The following SH3GL2 variants were observed in gnomAD, a reference collection of about 807,000 sequenced individuals.
SH3GL2 encodes the protein endophilin-A1.
In SH3GL2, 24 loss-of-function variants were observed where a neutral mutation model predicts 46.0. The observed-to-expected ratio is 0.52, with a 90% CI of 0.38 to 0.73. The LOEUF (loss-of-function observed/expected upper bound fraction) is 0.73. Among genes scored for constraint, SH3GL2 ranks in the 30% least tolerant of loss-of-function variants. The probability of loss-of-function intolerance (pLI) is 0.00; values close to 1 mark genes in which losing one functional copy is unlikely to be tolerated. For synonymous variants in SH3GL2, 196 were observed against 147.1 expected (o/e 1.33, Z -2.40); for missense variants, 413 against 424.2 (o/e 0.97, Z 0.23).
At chr9:17,661,358 G>T (rs1820208798) in intron 1 of SH3GL2, among the ~76,000 whole-genome samples, 1 of 152,086 alleles carries the variant, frequency 6.6e-6, no homozygotes, top group Admixed American at 6.6e-5. Flanking sequence ...GCCCAGGATG[G>T]AGAGACATCT....
chr9:17,700,197 C>G (rs958076447), intron 1 of SH3GL2, among the ~76,000 whole-genome samples: 1 of 152,150 alleles, frequency 6.6e-6, no homozygotes, highest in Non-Finnish European at 1.5e-5. Context: ...TTTCCCCTCT[C>G]TAAGTTGGTG....
intron 1 of SH3GL2, among the ~76,000 whole-genome samples, chr9:17,730,152 A>G (rs1447157064): frequency 6.6e-6 from 1 of 152,086 alleles, no homozygotes; most frequent in Non-Finnish European, 1.5e-5. Context: ...AGTGTCATGT[A>G]CTTCTCTTTG....
At chr9:17,690,529 C>T (rs1821049001) in intron 1 of SH3GL2, among the ~76,000 whole-genome samples, 1 of 152,062 alleles carries the variant, frequency 6.6e-6, no homozygotes, top group African/African-American at 2.4e-5. Context: ...GATCTCGCCT[C>T]ATTCTGCTCA....
chr9:17,711,421 A>G (rs185847100), intron 1 of SH3GL2, among the ~76,000 whole-genome samples: 230 of 152,032 alleles, frequency 1.5e-3, no homozygotes, highest in African/African-American at 5.3e-3. Context: ...GAAAGCGAAC[A>G]GAATCCATTA....
At chr9:17,651,476 G>T (rs1250745515) in intron 1 of SH3GL2, among the ~76,000 whole-genome samples, 1 of 152,122 alleles carries the variant, frequency 6.6e-6, no homozygotes, top group Admixed American at 6.5e-5. Flanking sequence ...TATAATTAAT[G>T]CTGTGTTTGC....
intron 3 of SH3GL2, among the ~76,000 whole-genome samples, chr9:17,771,492 C>A (rs1161292971): frequency 1.3e-5 from 2 of 152,176 alleles, no homozygotes; most frequent in Non-Finnish European, 2.9e-5. Flanking sequence ...ACCCTTCTTA[C>A]AATAAGGATA....
intron 1 of SH3GL2, among the ~76,000 whole-genome samples, chr9:17,678,830 A>G (rs569713853): frequency 6.6e-6 from 1 of 152,296 alleles, no homozygotes; most frequent in Admixed American, 6.5e-5. Context: ...GAAGGGATCT[A>G]GTTTCGGCTT....
At position 17,730,937 on chromosome 9, in the gene SH3GL2, C is replaced by T. The variant is rs575765815; in HGVS notation, c.46-16129C>T. Among the ~76,000 whole-genome samples, 7 of 152,188 alleles carry T rather than the reference C, an allele frequency of 4.6e-5. No individual in the cohort carries two copies. In the South Asian group the frequency reaches 1.5e-3, roughly 32 times the overall value. On this transcript the variant is annotated intron_variant, in intron 1 of 8. Transcript: ENST00000380607. ...AAAAACAGTTTTTTAAATAAGTGCACACTTAGGCTTACTTAGAGAACGGGA... is the reference window on the plus strand; with the variant it reads ...AAAAACAGTTTTTTAAATAAGTGCATACTTAGGCTTACTTAGAGAACGGGA...
chr9:17,712,989 A>G (rs1588265503), intron 1 of SH3GL2, among the ~76,000 whole-genome samples: 3 of 151,706 alleles, frequency 2.0e-5, no homozygotes, highest in Admixed American at 6.6e-5. Context: ...GTCTTTCACC[A>G]TTAAGGATGA....
intron 1 of SH3GL2, among the ~76,000 whole-genome samples, chr9:17,588,582 C>T (rs1818422046): frequency 6.6e-6 from 1 of 152,134 alleles, no homozygotes; most frequent in African/African-American, 2.4e-5. Flanking sequence ...CAGAAATCAG[C>T]TCTTTGGTGA....
At chr9:17,661,127 A>T (rs1820201506) in intron 1 of SH3GL2, among the ~76,000 whole-genome samples, 1 of 152,160 alleles carries the variant, frequency 6.6e-6, no homozygotes, top group Admixed American at 6.5e-5. Flanking sequence ...GTACCACTGC[A>T]CTCCAGTCTG....
intron 2 of SH3GL2, among the ~76,000 whole-genome samples, chr9:17,752,205 C>G (rs1453374052): frequency 1.3e-5 from 2 of 152,136 alleles, no homozygotes; most frequent in Non-Finnish European, 1.5e-5. Flanking sequence ...AAAAACATCA[C>G]TCTTGGACCT....
intron 1 of SH3GL2, among the ~76,000 whole-genome samples, chr9:17,668,761 A>G (rs1337946051): frequency 6.6e-6 from 1 of 152,090 alleles, no homozygotes; most frequent in Admixed American, 6.6e-5. Context: ...GACTCTGGTG[A>G]TCCTCCTACC....
intron 2 of SH3GL2, among the ~76,000 whole-genome samples, chr9:17,755,187 T>G (rs907253599): frequency 1.3e-5 from 2 of 152,232 alleles, no homozygotes; most frequent in Non-Finnish European, 1.5e-5. Context: ...TGGGACTTTA[T>G]AACATGAATG....
At chr9:17,624,755 A>AGCC (rs1819242209) in intron 1 of SH3GL2, among the ~76,000 whole-genome samples, 1 of 152,134 alleles carries the variant, frequency 6.6e-6, no homozygotes, top group Admixed American at 6.5e-5. Context: ...CTAGCCCTGG[A>AGCC]GCCATCTGTT....
chr9:17,589,204 C>T (rs901057546), intron 1 of SH3GL2: 4 of 152,118 alleles, frequency 2.6e-5, no homozygotes, highest in Non-Finnish European at 4.4e-5. Context: ...TTGAAACTGT[C>T]GTCCAGGCTG....
At chr9:17,714,759 A>T (rs1821710408) in intron 1 of SH3GL2, among the ~76,000 whole-genome samples, 1 of 151,774 alleles carries the variant, frequency 6.6e-6, no homozygotes, top group African/African-American at 2.4e-5. Context: ...ATAGTCAGTT[A>T]TCTTTTAATA....
intron 3 of SH3GL2, among the ~76,000 whole-genome samples, chr9:17,776,091 G>A (rs1823634454): frequency 6.6e-6 from 1 of 152,016 alleles, no homozygotes; most frequent in African/African-American, 2.4e-5. Context: ...GGTGCGGAGG[G>A]CAGAATCACC....
chr9:17,783,679 G>A (rs1823875446), intron 3 of SH3GL2, among the ~76,000 whole-genome samples: 1 of 152,124 alleles, frequency 6.6e-6, no homozygotes, highest in East Asian at 1.9e-4. Flanking sequence ...GGACAAAACA[G>A]TGGAGCCCTT....
Sources: allele counts gnomAD v4.1 joint callset (sites outside exome capture counted in the v4.1 genomes callset), GRCh38; gene constraint gnomAD v4.1.1; transcripts MANE v1.5; gene names NCBI Gene and HGNC (gene_info 2026-07-23, HGNC 2026-07-21).